The following CPD variants were observed in gnomAD, a reference collection of about 807,000 sequenced individuals.
The protein encoded by CPD is carboxypeptidase D.
Under a neutral mutation model 138.3 loss-of-function variants are expected in CPD, and 69 were observed. The observed-to-expected ratio is 0.50, with a 90% confidence interval of 0.41 to 0.61. The LOEUF (loss-of-function observed/expected upper bound fraction) is 0.61, where lower values mean the gene tolerates loss of function less well. Among genes scored for constraint, CPD ranks in the 20% least tolerant of loss-of-function variants. The pLI is 0.00. For missense variants in CPD, 1,432 were observed against 1,733.3 expected (o/e 0.83, Z 3.09); for synonymous variants, 651 against 642.1 (o/e 1.01, Z -0.21).
intron 12 of CPD, among the ~76,000 whole-genome samples, chr17:30,446,283 G>A (rs7224852): frequency 0.018 from 2,732 of 151,832 alleles, 84 homozygotes; most frequent in African/African-American, 0.062. Flanking sequence ...CCATTAACTC[G>A]TCATTTACAT....
chr17:30,421,693 A>G lies in CPD; in HGVS notation c.1167A>G (p.Lys389=), dbSNP rs1472424845. The change falls in exon 4 of 21, where the codon AAA becomes AAG. Residue 389 remains lysine, a synonymous_variant. Transcript: ENST00000225719. The stretch of plus-strand genomic sequence containing the variant: ...ACATTGGAGTGAAAGGATTTGTTAA[A>G]GATTCCATAACAGGATCTGGGTTAG... ...KVHIGVKGFV[K]DSITGSGLEN... 1 of 1,613,796 alleles carries G rather than the reference A, an allele frequency of 6.2e-7. No individual in the cohort carries two copies. The highest frequency in any genetic ancestry group is 8.5e-7 in the Non-Finnish European group (1 of 1,179,808).
At chr17:30,451,026 A>G (rs1421291545) in intron 13 of CPD, among the ~76,000 whole-genome samples, 6 of 152,202 alleles carry the variant, frequency 3.9e-5, no homozygotes, top group Admixed American at 3.9e-4. Flanking sequence ...TATTGAATAC[A>G]TATTTTGTGC....
Position 30,467,698 on chromosome 17 carries a change from A to T in CPD, c.*2884A>T, listed in dbSNP as rs1913680640. ...AAATAAAAGGTAGTGTTTATGTCTG[A>T]GCTTATTGTGTTTGAGCTAACACCA... On this transcript the variant is annotated 3_prime_UTR_variant, in exon 21 of 21. Coordinates refer to ENST00000225719, the MANE Select transcript of CPD (RefSeq NM_001304.5). The T allele has an allele frequency of 6.6e-6, 1 of 152,162 alleles. No homozygotes were observed. The highest frequency in any genetic ancestry group is 2.4e-5 in the African/African-American group (1 of 41,432). The allele number at this position is 152,162 out of a possible 1,614,324, so 9.4% of individuals were successfully genotyped here.
At chr17:30,405,297 G>A (rs1167625578) in intron 2 of CPD, among the ~76,000 whole-genome samples, 1 of 152,118 alleles carries the variant, frequency 6.6e-6, no homozygotes, top group Non-Finnish European at 1.5e-5. Flanking sequence ...CAGTAAATGG[G>A]CACTTTTCAT....
At chr17:30,464,522 G>C in intron 20 of CPD, 66 bp from the exon 21 acceptor site, 1 of 1,302,578 alleles carries the variant, frequency 7.7e-7, no homozygotes, top group Non-Finnish European at 1.1e-6. Flanking sequence ...AAGTTCCATT[G>C]TAAGCGGCTG....
intron 2 of CPD, among the ~76,000 whole-genome samples, chr17:30,387,227 C>T (rs1911215596): frequency 1.3e-5 from 2 of 152,202 alleles, no homozygotes; most frequent in East Asian, 3.8e-4. Context: ...AAGTGATTCT[C>T]CAGCCTCAGC....
intron 1 of CPD, among the ~76,000 whole-genome samples, chr17:30,382,461 T>C (rs1338862669): frequency 6.6e-6 from 1 of 152,152 alleles, no homozygotes; most frequent in Non-Finnish European, 1.5e-5. Context: ...AAGATTGGAG[T>C]TGATTTGCAA....
Position 30,385,251 on chromosome 17 carries a change from G to T in CPD, c.994+15G>T. 6.2e-7 allele frequency: 1 copy of T among 1,612,068 alleles called. No individual in the cohort carries two copies. The highest frequency in any genetic ancestry group is 1.1e-5 in the South Asian group (1 of 90,898). Reference sequence around the variant, plus strand: ...TGATGTGGAAGGTATGCAAAGCATTGAGTTTGCTACATTTTCCCCCTTGTT... The same window carrying T: ...TGATGTGGAAGGTATGCAAAGCATTTAGTTTGCTACATTTTCCCCCTTGTT... On this transcript the variant is annotated intron_variant, in intron 2 of 20. Transcript: ENST00000225719.
intron 8 of CPD, among the ~76,000 whole-genome samples, chr17:30,437,559 C>G (rs1033492704): frequency 1.3e-5 from 2 of 151,932 alleles, no homozygotes; most frequent in Admixed American, 6.6e-5. Context: ...TGGGTGCATG[C>G]CTATAGTCCC....
intron 2 of CPD, among the ~76,000 whole-genome samples, chr17:30,388,125 A>G (rs1911243563): frequency 6.6e-6 from 1 of 152,104 alleles, no homozygotes; most frequent in Non-Finnish European, 1.5e-5. Flanking sequence ...TCATCTCTCC[A>G]TCCTCTGCCT....
chr17:30,427,128 GCTGAGATTGCGCCACTGCA>G (rs1912435918), intron 6 of CPD, among the ~76,000 whole-genome samples: 1 of 151,332 alleles, frequency 6.6e-6, no homozygotes, highest in African/African-American at 2.4e-5. Flanking sequence ...GTTGCAGTGA[GCTGAGATTGCGCCACTGCA>G]CTCCAGCCTG....
intron 2 of CPD, among the ~76,000 whole-genome samples, chr17:30,388,938 C>G (rs1911270489): frequency 6.6e-6 from 1 of 150,786 alleles, no homozygotes; most frequent in South Asian, 2.1e-4. Flanking sequence ...GAGCCTCCTC[C>G]CGAGCCCAGG....
At chr17:30,464,545 C>T (rs768563711) in intron 20 of CPD, 43 bp from the exon 21 acceptor site, 1 of 1,527,688 alleles carries the variant, frequency 6.5e-7, no homozygotes, top group South Asian at 1.1e-5. Flanking sequence ...TATTAATATC[C>T]TTAAAGTATA....
intron 11 of CPD, 73 bp downstream of exon 11, chr17:30,444,044 G>T: frequency 6.6e-7 from 1 of 1,519,122 alleles, no homozygotes; most frequent in African/African-American, 1.4e-5. Context: ...ATTATTACTA[G>T]AACGTTCTAG....
At position 30,461,175 on chromosome 17, in the gene CPD, T is replaced by C; in HGVS notation, c.3499-5T>C. The C allele has an allele frequency of 1.3e-6, 2 of 1,582,992 alleles. No homozygotes were observed. The highest frequency in any genetic ancestry group is 2.3e-5 in the East Asian group (1 of 44,280). On this transcript the variant is annotated splice_polypyrimidine_tract_variant and splice_region_variant and intron_variant, in intron 17 of 20. Transcript: ENST00000225719. ...CCACATTTGATTTTGAACTTTATATTCTAGGATTATAGTGTCACCTATGGC... is the reference window on the plus strand; with the variant it reads ...CCACATTTGATTTTGAACTTTATATCCTAGGATTATAGTGTCACCTATGGC...
chr17:30,456,649 C>G (rs1597737179), intron 17 of CPD, 123 bp downstream of exon 17: 1 of 860,166 alleles, frequency 1.2e-6, no homozygotes, highest in East Asian at 2.6e-5. Flanking sequence ...CAAGACCAGC[C>G]TGGCCAACAT....
chr17:30,406,305 C>T (rs1292033084), intron 2 of CPD, among the ~76,000 whole-genome samples: 1 of 152,032 alleles, frequency 6.6e-6, no homozygotes, highest in East Asian at 1.9e-4. Context: ...CTCCATGAAT[C>T]TGACTTTTAG....
In CPD at chr17:30,400,652, CTTTTTTT is replaced by C. The variant is rs34301387; in HGVS notation, c.994+15434_994+15440del. On this transcript the variant is annotated intron_variant, in intron 2 of 20. Transcript: ENST00000225719. ...TGAGAATGTGTATTTTGCCATCATT[CTTTTTTT>C]TTTTTTTTTTTTTTTTTGAGATGGA... Among the ~76,000 whole-genome samples, 7 of 57,588 alleles carry C rather than the reference CTTTTTTT, an allele frequency of 1.2e-4. No homozygotes were observed. The East Asian group carries it at 4.1e-3, about 34-fold the overall frequency. 37.8% of individuals were successfully genotyped at this position (57,588 alleles called of 152,430 possible). A position where few individuals can be genotyped will look rare whatever the true frequency, so the allele number is the denominator to read the frequency against.
chr17:30,384,286 T>C (rs1288467741), intron 1 of CPD, among the ~76,000 whole-genome samples: 3 of 152,222 alleles, frequency 2.0e-5, no homozygotes, highest in Non-Finnish European at 4.4e-5. Context: ...ATTTAGTATA[T>C]TGTGAAACTG....
Sources: gnomAD v4.1 joint callset for allele counts (sites outside exome capture counted in the v4.1 genomes callset) on GRCh38, gnomAD v4.1.1 for gene constraint, MANE v1.5 for transcripts, NCBI Gene and HGNC (gene_info 2026-07-23, HGNC 2026-07-21) for gene names.